Variants in CASK observed in about 807,000 individuals in gnomAD.
The protein encoded by CASK is calcium/calmodulin dependent serine protein kinase.
A neutral mutation model predicts 82.9 loss-of-function variants in CASK; 4 were observed. The ratio of observed to expected loss-of-function variants is 0.05; its 90% CI spans 0.02 to 0.11. The LOEUF (loss-of-function observed/expected upper bound fraction) is 0.11. Among genes scored for constraint, CASK ranks in the 10% least tolerant of loss-of-function variants. The probability of loss-of-function intolerance (pLI) is 1.00; values close to 1 mark genes in which losing one functional copy is unlikely to be tolerated. For synonymous variants in CASK, 259 were observed against 253.5 expected (o/e 1.02, Z -0.20); for missense variants, 358 against 720.9 (o/e 0.50, Z 5.76).
intron 24 of CASK, among the ~76,000 whole-genome samples, chrX:41,531,542 GC>G (rs2064804061): frequency 8.9e-6 from 1 of 112,048 alleles, no homozygotes; most frequent in South Asian, 3.7e-4. Context: ...ATGCCTTAAT[GC>G]AGTTGGGTCT....
intron 3 of CASK, among the ~76,000 whole-genome samples, chrX:41,747,725 G>A (rs1414385155): frequency 2.7e-5 from 3 of 112,736 alleles, no homozygotes; most frequent in Admixed American, 9.3e-5. Flanking sequence ...ACAGGCATGA[G>A]CCACTGCGCC....
At chrX:41,697,888 A>C in intron 5 of CASK, 1 of 109,458 alleles carries the variant, frequency 9.1e-6, no homozygotes, top group Non-Finnish European at 1.9e-5. Context: ...TGCAACCTCC[A>C]CCTCCCACGT....
rs1287068521 is a variant in CASK, at chrX:41,716,604, C to A, written c.429+22780G>T. On this transcript the variant is annotated intron_variant, in intron 5 of 26. Transcript: ENST00000378163. ...ATTTCCCCTACCTGATGCATTGGTCCTAGGACCAGGGCTGCAACTACAAGT... is the reference window on the plus strand; with the variant it reads ...ATTTCCCCTACCTGATGCATTGGTCATAGGACCAGGGCTGCAACTACAAGT... 2.7e-5 allele frequency among the ~76,000 whole-genome samples: 3 copies of A among 111,953 alleles called. No individual in the cohort carries two copies. The Admixed American group carries it at 2.8e-4, about 11-fold the overall frequency.
intron 5 of CASK, among the ~76,000 whole-genome samples, chrX:41,726,526 A>T (rs1389962122): frequency 8.9e-6 from 1 of 111,789 alleles, no homozygotes; most frequent in Non-Finnish European, 1.9e-5. Flanking sequence ...CCATTTTGAA[A>T]ACTATATATA....
chrX:41,693,115 C>T (rs993175312), intron 5 of CASK, among the ~76,000 whole-genome samples: 3 of 111,541 alleles, frequency 2.7e-5, no homozygotes, highest in South Asian at 3.7e-4. Context: ...GAGTTTTTCA[C>T]GTCATTTCAG....
chrX:41,734,007 A>C (rs2068454212), intron 5 of CASK, among the ~76,000 whole-genome samples: 1 of 111,145 alleles, frequency 9.0e-6, no homozygotes, highest in African/African-American at 3.3e-5. Context: ...TGAGACCAGA[A>C]GGGAACCAAA....
chrX:41,828,440 C>G (rs2070715404), intron 2 of CASK, among the ~76,000 whole-genome samples: 1 of 111,385 alleles, frequency 9.0e-6, no homozygotes. Flanking sequence ...CCAGGAGAAA[C>G]TTGGTAGTAT....
At chrX:41,811,367 A>T (rs1224337433) in intron 2 of CASK, among the ~76,000 whole-genome samples, 5 of 112,518 alleles carry the variant, frequency 4.4e-5, no homozygotes, top group Admixed American at 9.4e-5. Context: ...ATGTAAAAGA[A>T]CAGAAATTAT....
intron 2 of CASK, among the ~76,000 whole-genome samples, 189 bp from the exon 3 acceptor site, chrX:41,787,472 G>T (rs756353483): frequency 9.5e-6 from 1 of 105,553 alleles, no homozygotes; most frequent in Non-Finnish European, 1.9e-5. Context: ...CATATTTTTT[G>T]CAAGCTTAAA....
At chrX:41,896,675 C>T (rs929491211) in intron 1 of CASK, among the ~76,000 whole-genome samples, 4 of 111,486 alleles carry the variant, frequency 3.6e-5, no homozygotes, top group South Asian at 3.7e-4. Flanking sequence ...TTTATGGGTA[C>T]GTAGGTGTAG....
At chrX:41,854,224 G>GCGCGCGCACA (rs1367817089) in intron 1 of CASK, among the ~76,000 whole-genome samples, 10 of 81,716 alleles carry the variant, frequency 1.2e-4, no homozygotes, top group African/African-American at 4.6e-4. Context: ...GCGGGCGCGC[G>GCGCGCGCACA]CACACACACA....
At chrX:41,602,383 A>G (rs767953030) in intron 12 of CASK, among the ~76,000 whole-genome samples, 8 of 110,040 alleles carry the variant, frequency 7.3e-5, no homozygotes, top group Non-Finnish European at 1.1e-4. Flanking sequence ...CTTTAATTTT[A>G]TTTTTGGGTT....
chrX:41,535,657 C>T (rs906122334), intron 22 of CASK, among the ~76,000 whole-genome samples: 1 of 111,769 alleles, frequency 8.9e-6, no homozygotes, highest in African/African-American at 3.3e-5. Context: ...GAAAACTTGT[C>T]GCCCATTACA....
At chrX:41,627,703 A>G (rs1251571374) in intron 9 of CASK, among the ~76,000 whole-genome samples, 2 of 112,656 alleles carry the variant, frequency 1.8e-5, no homozygotes, top group African/African-American at 6.5e-5. Flanking sequence ...TTATCTGTAA[A>G]GTAAGAATAT....
At chrX:41,541,924 A>T (rs771041648) in intron 22 of CASK, among the ~76,000 whole-genome samples, 1 of 111,412 alleles carries the variant, frequency 9.0e-6, no homozygotes, top group African/African-American at 3.3e-5. Flanking sequence ...TTGTATTAGC[A>T]CTCCTGTGTA....
chrX:41,737,191 G>C (rs1032686474), intron 5 of CASK, among the ~76,000 whole-genome samples: 1 of 111,756 alleles, frequency 8.9e-6, no homozygotes, highest in Non-Finnish European at 1.9e-5. Flanking sequence ...AGAGAGAGAC[G>C]TTTTGAATGA....
intron 8 of CASK, among the ~76,000 whole-genome samples, chrX:41,651,063 T>G (rs2147431618): frequency 8.9e-6 from 1 of 112,463 alleles, no homozygotes; most frequent in South Asian, 3.7e-4. Flanking sequence ...AGAAATTTAT[T>G]ATGTATTAAG....
chrX:41,575,412 T>C (rs2065471080), intron 15 of CASK, among the ~76,000 whole-genome samples: 1 of 111,748 alleles, frequency 8.9e-6, no homozygotes. Flanking sequence ...ACCTACCAGC[T>C]TGAGGGGAGA....
chrX:41,830,558 C>G (rs746607999), intron 2 of CASK, among the ~76,000 whole-genome samples: 3 of 110,953 alleles, frequency 2.7e-5, no homozygotes, highest in Non-Finnish European at 5.7e-5. Context: ...CGGTGGCTCA[C>G]GCCTGTAATC....
Sources: gnomAD v4.1 joint callset for allele counts (sites outside exome capture counted in the v4.1 genomes callset) on GRCh38, gnomAD v4.1.1 for gene constraint, MANE v1.5 for transcripts, NCBI Gene and HGNC (gene_info 2026-07-23, HGNC 2026-07-21) for gene names.